Variants in SOX7 observed in about 807,000 individuals in gnomAD.
SOX7 encodes the protein SRY-box transcription factor 7, also known as transcription factor SOX-7.
Under a neutral mutation model 24.9 loss-of-function variants are expected in SOX7, and 19 were observed. The ratio of observed to expected loss-of-function variants is 0.76; its 90% CI spans 0.53 to 1.12. The LOEUF is 1.12. Ranked by LOEUF, SOX7 falls within the 50% of genes most tolerant of loss-of-function variation. The probability of loss-of-function intolerance (pLI) is 0.00; values close to 1 mark genes in which losing one functional copy is unlikely to be tolerated. For missense variants in SOX7, 702 were observed against 535.0 expected (o/e 1.31, Z -3.08); for synonymous variants, 327 against 244.5 (o/e 1.34, Z -3.15).
chr8:10,728,207 G>A (rs1800192261), intron 1 of SOX7, among the ~76,000 whole-genome samples: 1 of 152,144 alleles, frequency 6.6e-6, no homozygotes, highest in Non-Finnish European at 1.5e-5. Flanking sequence ...AAATGTACCT[G>A]GATGTTATAT....
rs1313987225 is a variant in SOX7 at position 10,725,219 on chromosome 8, G to C, written c.*519C>G. 6.4e-6 allele frequency: 1 copy of C among 155,630 alleles called. No individual in the cohort carries two copies. The highest frequency in any genetic ancestry group is 1.4e-5 in the Non-Finnish European group (1 of 70,268). The allele number at this position is 155,630 out of a possible 1,614,324, so 9.6% of individuals were successfully genotyped here. ...ATTGTATGAGTCCCTTTGAAATTTT[G>C]TGGTCACTTTGGAAGGGGGTGCAGA... On this transcript the variant is annotated 3_prime_UTR_variant, in exon 2 of 2. Transcript: ENST00000304501.
Position 10,724,935 on chromosome 8 carries a change from T to G in SOX7, c.*803A>C, listed in dbSNP as rs1800111682. On this transcript the variant is annotated 3_prime_UTR_variant, in exon 2 of 2. Coordinates refer to ENST00000304501, the MANE Select transcript of SOX7 (RefSeq NM_031439.4). ...CAAGGTTTCACCATGTTGTCTAGGCTGGTCTCAAACTCCTGACCTCAGGTG... is the reference window on the plus strand; with the variant it reads ...CAAGGTTTCACCATGTTGTCTAGGCGGGTCTCAAACTCCTGACCTCAGGTG... 6.6e-6 allele frequency: 1 copy of G among 152,212 alleles called. No homozygotes were observed. The highest frequency in any genetic ancestry group is 2.4e-5 in the African/African-American group (1 of 41,424). 9.4% of individuals were successfully genotyped at this position (152,212 alleles called of 1,614,324 possible).
At chr8:10,729,042 G>C (rs1288653727) in intron 1 of SOX7, among the ~76,000 whole-genome samples, 1 of 152,238 alleles carries the variant, frequency 6.6e-6, no homozygotes, top group African/African-American at 2.4e-5. Flanking sequence ...TGGTGCAGCC[G>C]GCCACCAGGC....
rs942021369 is a variant in SOX7, at chr8:10,726,535, G to A, written c.370C>T (p.Arg124Trp). The A allele has an allele frequency of 4.3e-6, 7 of 1,612,268 alleles. No individual in the cohort carries two copies. Among genetic ancestry groups the A allele is most frequent in the Non-Finnish European group, 8.5e-7 (1 of 1,179,974 alleles). Residue 124 changes from arginine to tryptophan, a missense_variant, in exon 2 of 2, where the codon CGG (arginine) becomes TGG (tryptophan). Transcript: ENST00000304501. ...YRPRRKKQAK[R>W]LCKRVDPGFL... ...CCCGGGTCCACGCGCTTGCACAGCC[G>A]CTTGGCCTGCTTCTTCCTGCGCGGC...
intron 1 of SOX7, among the ~76,000 whole-genome samples, chr8:10,728,427 TCA>T (rs1022407001): frequency 6.6e-6 from 1 of 152,204 alleles, no homozygotes; most frequent in African/African-American, 2.4e-5. Context: ...GAAGGAAATG[TCA>T]CACAGGTGGA....
intron 1 of SOX7, among the ~76,000 whole-genome samples, chr8:10,727,872 C>T (rs907612493): frequency 1.1e-4 from 17 of 152,242 alleles, no homozygotes; most frequent in Non-Finnish European, 2.9e-5. Context: ...TGCACAGGGC[C>T]AGGTGCAGAG....
At position 10,726,208 on chromosome 8, in the gene SOX7, G is replaced by A. The variant is rs1586081021; in HGVS notation, c.697C>T (p.Arg233Cys). Residue 233 changes from arginine (R) to cysteine (C), a missense_variant, in exon 2 of 2, where the codon CGC (arginine) becomes TGC (cysteine). Transcript: ENST00000304501. Reference protein sequence around the residue: ...PCQEEHGHPRRIPHLPGHPYS... With the variant: ...PCQEEHGHPRCIPHLPGHPYS... The stretch of plus-strand genomic sequence containing the variant: ...GGGTGCCCTGGCAGGTGGGGGATGC[G>A]GCGGGGATGGCCATGCTCCTCCTGG... The A allele has an allele frequency of 1.2e-6, 2 of 1,610,472 alleles. No individual in the cohort carries two copies. Among genetic ancestry groups the A allele is most frequent in the East Asian group, 2.2e-5 (1 of 44,854 alleles).
At position 10,730,084 on chromosome 8, in the gene SOX7, T is replaced by TG; in HGVS notation, c.238+111_238+112insC. ...CACGCGGGCACGAAGAGGGCCCTCG[T>TG]CCCGCGTGCCGGGTCTTCCCCAGGC... On this transcript the variant is annotated intron_variant, in intron 1 of 1. Transcript: ENST00000304501. The surrounding 1 kb of genome is among the most constrained non-coding windows in gnomAD (Gnocchi z 4.8). 1.4e-6 allele frequency: 1 copy of TG among 726,620 alleles called. No homozygotes were observed. Among genetic ancestry groups the TG allele is most frequent in the Non-Finnish European group, 1.9e-6 (1 of 521,058 alleles). 45.0% of individuals were successfully genotyped at this position (726,620 alleles called of 1,614,324 possible).
intron 1 of SOX7, among the ~76,000 whole-genome samples, chr8:10,727,579 C>T (rs71516588): frequency 1.0e-3 from 152 of 152,310 alleles, no homozygotes; most frequent in Non-Finnish European, 1.5e-3. Context: ...ATGCTGGCTG[C>T]GCTTGATCTT....
intron 1 of SOX7, chr8:10,729,402 A>G (rs1310390712): frequency 6.6e-6 from 1 of 152,198 alleles, no homozygotes; most frequent in African/African-American, 2.4e-5. Flanking sequence ...AGGGTTGAAA[A>G]GTACTCAGCT....
At position 10,726,461 on chromosome 8, in the gene SOX7, C is replaced by T. The variant is rs1800156817; in HGVS notation, c.444G>A (p.Lys148=). ...LSRDQNALPE[K]RSGSRGALGE... The stretch of plus-strand genomic sequence containing the variant: ...CCAGCGCCCCCCGGCTGCCGCTTCT[C>T]TTCTCCGGCAGGGCGTTCTGGTCCC... The change falls in exon 2 of 2, where the codon AAG becomes AAA. Residue 148 remains lysine, a synonymous_variant. Transcript: ENST00000304501. 17 of 1,612,354 alleles carry T rather than the reference C, an allele frequency of 1.1e-5. No individual in the cohort carries two copies. Among genetic ancestry groups the T allele is most frequent in the Non-Finnish European group, 1.4e-5 (16 of 1,179,880 alleles).
Position 10,724,302 on chromosome 8 carries a change from G to C in SOX7, c.*1436C>G, listed in dbSNP as rs1563177715. On this transcript the variant is annotated 3_prime_UTR_variant, in exon 2 of 2. Transcript: ENST00000304501. ...GAAGTTGCTCTAAAGCACTGGCTGAGGACTTTGCCTGAGGACCTGGCTGGT... is the reference window on the plus strand; with the variant it reads ...GAAGTTGCTCTAAAGCACTGGCTGACGACTTTGCCTGAGGACCTGGCTGGT... The C allele has an allele frequency of 6.6e-6, 1 of 152,204 alleles. No individual in the cohort carries two copies. Among genetic ancestry groups the C allele is most frequent in the Non-Finnish European group, 1.5e-5 (1 of 68,048 alleles). 9.4% of individuals were successfully genotyped at this position (152,204 alleles called of 1,614,324 possible). A position where few individuals can be genotyped will look rare whatever the true frequency, so the allele number is the denominator to read the frequency against.
At chr8:10,727,128 C>T (rs1392905452) in intron 1 of SOX7, among the ~76,000 whole-genome samples, 1 of 152,178 alleles carries the variant, frequency 6.6e-6, no homozygotes, top group Non-Finnish European at 1.5e-5. Context: ...GAGATACTAT[C>T]ATATTTACCT....
In SOX7 at chr8:10,726,334, G is replaced by T. The variant is rs1800152230; in HGVS notation, c.571C>A (p.Pro191Thr). The T allele has an allele frequency of 6.2e-7, 1 of 1,612,570 alleles. No individual in the cohort carries two copies. The highest frequency in any genetic ancestry group is 1.3e-5 in the African/African-American group (1 of 74,866). ...GPAGGGGGGT[P>T]SSVDTYPYGL... ...TACGGGTACGTGTCCACACTGCTCG[G>T]GGTGCCGCCGCCGCCACCACCAGCC... is the stretch of plus-strand genomic sequence containing the variant. Residue 191 changes from proline to threonine, a missense_variant, in exon 2 of 2, where the codon CCG (proline) becomes ACG (threonine). By Grantham distance (38) the Pro-to-Thr change is conservative. Coordinates refer to ENST00000304501, the MANE Select transcript of SOX7 (RefSeq NM_031439.4).
In SOX7 at chr8:10,730,350, C is replaced by T; in HGVS notation, c.84G>A (p.Ser28=). 6.4e-7 allele frequency: 1 copy of T among 1,564,404 alleles called. No individual in the cohort carries two copies. The highest frequency in any genetic ancestry group is 2.0e-5 in the Admixed American group (1 of 51,120). The change falls in exon 1 of 2, where the codon TCG becomes TCA. Residue 28 remains serine (S), a synonymous_variant. Transcript: ENST00000304501. The surrounding 1 kb of genome is among the most constrained non-coding windows in gnomAD (Gnocchi z 4.8). ...ALDAELSDGQ[S]PPAVPRPPGD... ...CCGGGGGCCGGGGGACGGCCGGCGG[C>T]GATTGTCCATCCGACAGCTCGGCGT...
intron 1 of SOX7, 136 bp from the exon 2 acceptor site, chr8:10,726,802 T>C (rs1800165747): frequency 1.3e-6 from 1 of 768,684 alleles, no homozygotes; most frequent in African/African-American, 1.8e-5. Context: ...CACGGGCATC[T>C]CTTGCACCCT....
rs1394578563 is a variant in SOX7, at chr8:10,726,645, G to A, written c.260C>T (p.Thr87Met). 2 of 1,582,188 alleles carry A rather than the reference G, an allele frequency of 1.3e-6. No individual in the cohort carries two copies. The highest frequency in any genetic ancestry group is 1.7e-6 in the Non-Finnish European group (2 of 1,168,130). The stretch of plus-strand genomic sequence containing the variant: ...CACGTACGGCCTCTTCTGGGACAGC[G>A]TCAGCGCCTTCCACGACTTTCCTGC... ...KMLGKSWKAL[T>M]LSQKRPYVDE... is the part of the protein sequence containing the mutation. The change falls in exon 2 of 2, where the codon ACG becomes ATG. Residue 87 changes from threonine (T) to methionine (M), a missense_variant. Coordinates refer to ENST00000304501, the MANE Select transcript of SOX7 (RefSeq NM_031439.4).
chr8:10,725,964 G>A lies in SOX7; in HGVS notation c.941C>T (p.Ala314Val), dbSNP rs1223722848. The A allele has an allele frequency of 3.1e-6, 5 of 1,610,962 alleles. No homozygotes were observed. Among genetic ancestry groups the A allele is most frequent in the South Asian group, 1.1e-5 (1 of 90,782 alleles). The change falls in exon 2 of 2, where the codon GCC (alanine) becomes GTC (valine). Residue 314 changes from alanine to valine, a missense_variant. Physicochemically the swap from Ala to Val is moderately conservative, Grantham distance 64. Coordinates refer to ENST00000304501, the MANE Select transcript of SOX7 (RefSeq NM_031439.4). ...TTCCACCTGGCTCAGTTGATCCAGG[G>A]CGTCGAAGCCAGGGTGCTCAGGAGG... ...SPPPEHPGFD[A>V]LDQLSQVELL...
intron 1 of SOX7, among the ~76,000 whole-genome samples, chr8:10,727,143 C>T (rs967255557): frequency 1.4e-4 from 22 of 152,200 alleles, no homozygotes; most frequent in African/African-American, 4.8e-4. Context: ...TTACCTATGG[C>T]ATAAATCTCA....
Sources: gnomAD v4.1 joint callset for allele counts (sites outside exome capture counted in the v4.1 genomes callset) on GRCh38, gnomAD v4.1.1 for gene constraint, Gnocchi (gnomAD v3.1) non-coding constraint, MANE v1.5 for transcripts, NCBI Gene and HGNC (gene_info 2026-07-23, HGNC 2026-07-21) for gene names.